Variants in SCAMP2 observed in about 807,000 individuals in gnomAD.
SCAMP2 encodes the protein secretory carrier-associated membrane protein 2.
A neutral mutation model predicts 44.1 loss-of-function variants in SCAMP2; 25 were observed. The ratio of observed to expected loss-of-function variants is 0.57; its 90% CI spans 0.41 to 0.79. The LOEUF is 0.79. SCAMP2 is among the 30% of genes least tolerant of loss of function. SCAMP2 has a pLI of 0.00. For synonymous variants in SCAMP2, 156 were observed against 166.0 expected (o/e 0.94, Z 0.46); for missense variants, 355 against 411.0 (o/e 0.86, Z 1.18).
At chr15:74,848,578 C>G in intron 7 of SCAMP2, 22 bp downstream of exon 7, 1 of 1,485,260 alleles carries the variant, frequency 6.7e-7, no homozygotes, top group Non-Finnish European at 9.4e-7. Flanking sequence ...GCCTAATTCC[C>G]TCTGTGATGC....
chr15:74,854,075 G>A lies in SCAMP2; in HGVS notation c.171C>T (p.Ser57=). The change falls in exon 3 of 9, where the codon TCC becomes TCT. Residue 57 remains serine (S), a synonymous_variant. Transcript: ENST00000268099. ...ATGGCTGGAGAACCGCTGGCTGTGA[G>A]GACCCAGGGAGTTGGGTGACAGGAA... ...TTVPVTQLPG[S]SQPAVLQPSV... The A allele has an allele frequency of 1.9e-6, 3 of 1,614,224 alleles. No homozygotes were observed. The highest frequency in any genetic ancestry group is 2.5e-6 in the Non-Finnish European group (3 of 1,180,034).
rs1050276422 is a variant in SCAMP2 at position 74,848,211 on chromosome 15, G to A, written c.734+389C>T. On this transcript the variant is annotated intron_variant, in intron 7 of 8. Coordinates refer to ENST00000268099, the MANE Select transcript of SCAMP2 (RefSeq NM_005697.5). ...GCCTCCCAAGTACCTGGGACTATAG[G>A]TGCATGCCACTGCAACAGGCTAATT... is the stretch of plus-strand genomic sequence containing the variant. Among the ~76,000 whole-genome samples the A allele has an allele frequency of 6.6e-5, 10 of 152,028 alleles. No homozygotes were observed. The South Asian group carries it at 1.7e-3, about 25-fold the overall frequency.
intron 1 of SCAMP2, among the ~76,000 whole-genome samples, chr15:74,864,530 G>T (rs559508708): frequency 6.6e-6 from 1 of 152,290 alleles, no homozygotes; most frequent in South Asian, 2.1e-4. Flanking sequence ...AACAACTAGA[G>T]ATTTGCAGTC....
chr15:74,872,838 G>A (rs1306296621), intron 1 of SCAMP2: 1 of 227,256 alleles, frequency 4.4e-6, no homozygotes, highest in East Asian at 8.7e-5. Context: ...ACTCAAGACA[G>A]GTGTCTATCC....
intron 6 of SCAMP2, among the ~76,000 whole-genome samples, chr15:74,849,825 GA>G (rs1195400488): frequency 8.2e-6 from 1 of 122,620 alleles, no homozygotes; most frequent in Non-Finnish European, 1.9e-5. Flanking sequence ...CTGACTGGAA[GA>G]AAAAAATATT....
chr15:74,853,175 T>C (rs952050749), intron 3 of SCAMP2: 1 of 327,250 alleles, frequency 3.1e-6, no homozygotes. Context: ...ACGCTGGGGG[T>C]CTTGACCTCC....
intron 2 of SCAMP2, 101 bp from the exon 3 acceptor site, chr15:74,854,220 AG>A: frequency 9.3e-7 from 1 of 1,071,938 alleles, no homozygotes; most frequent in Non-Finnish European, 1.4e-6. Context: ...CCTGCCTGTG[AG>A]GGGACTCCCT....
At chr15:74,859,385 C>T (rs1459353125) in intron 1 of SCAMP2, among the ~76,000 whole-genome samples, 2 of 152,086 alleles carry the variant, frequency 1.3e-5, no homozygotes, top group Non-Finnish European at 2.9e-5. Context: ...GTGCTGGGGA[C>T]CACGGCAAGG....
chr15:74,846,125 T>C (rs564942733), intron 7 of SCAMP2, among the ~76,000 whole-genome samples: 3 of 151,478 alleles, frequency 2.0e-5, no homozygotes. Context: ...CTACTAAAAA[T>C]ACAAAAATTA....
rs1439987154 is a variant in SCAMP2 at position 74,845,711 on chromosome 15, C to T, written c.735-118G>A. 2.5e-5 allele frequency: 32 copies of T among 1,276,464 alleles called. No individual in the cohort carries two copies. The South Asian group carries it at 3.6e-4, about 14-fold the overall frequency. 79.1% of individuals were successfully genotyped at this position (1,276,464 alleles called of 1,614,324 possible). A position where few individuals can be genotyped will look rare whatever the true frequency, so the allele number is the denominator to read the frequency against. On this transcript the variant is annotated intron_variant, in intron 7 of 8. Coordinates refer to ENST00000268099, the MANE Select transcript of SCAMP2 (RefSeq NM_005697.5). ...TGACCATCACCTTGGCATCTCCCCA[C>T]AGCACAGGGAGCCCTGTGAGCCAGA...
At chr15:74,854,360 T>C (rs1481021811) in intron 2 of SCAMP2, among the ~76,000 whole-genome samples, 3 of 152,214 alleles carry the variant, frequency 2.0e-5, no homozygotes, top group Non-Finnish European at 4.4e-5. Context: ...CCTGACCTCC[T>C]TGGGGAGGGG....
intron 1 of SCAMP2, among the ~76,000 whole-genome samples, chr15:74,862,412 C>A (rs1217738029): frequency 6.6e-6 from 1 of 151,538 alleles, no homozygotes; most frequent in Non-Finnish European, 1.5e-5. Flanking sequence ...CCTCTCACTA[C>A]TAAAAATGCA....
intron 3 of SCAMP2, 44 bp from the exon 4 acceptor site, chr15:74,852,230 A>C: frequency 4.5e-6 from 6 of 1,347,548 alleles, no homozygotes; most frequent in Non-Finnish European, 4.9e-6. Context: ...GACACAACAA[A>C]CAGAAACAGT....
chr15:74,854,872 A>C (rs1018623919), intron 1 of SCAMP2, among the ~76,000 whole-genome samples: 1 of 152,032 alleles, frequency 6.6e-6, no homozygotes, highest in Admixed American at 6.5e-5. Context: ...AGAGACCCAG[A>C]GCAAGCTTTA....
chr15:74,855,702 G>A (rs1047353338), intron 1 of SCAMP2, among the ~76,000 whole-genome samples: 39 of 116,902 alleles, frequency 3.3e-4, no homozygotes, highest in African/African-American at 1.2e-3. Flanking sequence ...GGCAACAAGA[G>A]CAAAACTCCA....
chr15:74,871,327 C>T (rs2064573473), intron 1 of SCAMP2, among the ~76,000 whole-genome samples: 1 of 152,014 alleles, frequency 6.6e-6, no homozygotes, highest in African/African-American at 2.4e-5. Context: ...CCCAGTGGCA[C>T]ATTCTTGTAG....
intron 4 of SCAMP2, among the ~76,000 whole-genome samples, chr15:74,851,750 C>A (rs1251418364): frequency 2.6e-5 from 4 of 152,200 alleles, no homozygotes; most frequent in African/African-American, 9.7e-5. Flanking sequence ...TTTTTATTAA[C>A]AAGCAGCCCA....
chr15:74,864,196 G>A (rs2064527072), intron 1 of SCAMP2, among the ~76,000 whole-genome samples: 1 of 152,154 alleles, frequency 6.6e-6, no homozygotes, highest in Non-Finnish European at 1.5e-5. Flanking sequence ...TGAGTAGCTA[G>A]GATTACAGGT....
At chr15:74,861,674 A>G (rs1252258164) in intron 1 of SCAMP2, among the ~76,000 whole-genome samples, 6 of 152,002 alleles carry the variant, frequency 3.9e-5, no homozygotes, top group Non-Finnish European at 8.8e-5. Flanking sequence ...CAAGGTGGGC[A>G]GATCACGAGG....
Sources: gnomAD v4.1 joint callset for allele counts (sites outside exome capture counted in the v4.1 genomes callset) on GRCh38, gnomAD v4.1.1 for gene constraint, MANE v1.5 for transcripts, NCBI Gene and HGNC (gene_info 2026-07-23, HGNC 2026-07-21) for gene names.